Variants in ALK observed in about 807,000 individuals in gnomAD.
ALK encodes ALK tyrosine kinase receptor.
Under a neutral mutation model 163.1 loss-of-function variants are expected in ALK, and 74 were observed. That is an observed-to-expected ratio of 0.45 (90% CI 0.38 to 0.55). ALK has a LOEUF of 0.55. ALK is among the 20% of genes least tolerant of loss of function. The pLI is 0.00. For missense variants in ALK, 2,063 were observed against 2,105.3 expected (o/e 0.98, Z 0.39); for synonymous variants, 960 against 843.2 (o/e 1.14, Z -2.40).
intron 3 of ALK, among the ~76,000 whole-genome samples, chr2:29,668,073 T>A (rs1276346989): frequency 6.6e-6 from 1 of 152,144 alleles, no homozygotes; most frequent in Non-Finnish European, 1.5e-5. Context: ...TTTGCTGGCA[T>A]ATAGTTGTTC....
In ALK at chr2:29,242,241, T is replaced by C. The variant is rs73920747; in HGVS notation, c.2205-2411A>G. Among the ~76,000 whole-genome samples, 557 of 152,246 alleles carry C rather than the reference T, an allele frequency of 3.7e-3. 5 individuals carry two copies. The highest frequency in any genetic ancestry group is 0.012 in the African/African-American group (508 of 41,554). ...CCAGGTTTCTGAGTCCTGGTCAGGC[T>C]GCATAAAAAAGTCATCTCCACCTGA... is the stretch of plus-strand genomic sequence containing the variant. On this transcript the variant is annotated intron_variant, in intron 12 of 28. Transcript: ENST00000389048.
intron 4 of ALK, among the ~76,000 whole-genome samples, chr2:29,449,342 G>C (rs1375114718): frequency 2.0e-5 from 3 of 152,200 alleles, no homozygotes; most frequent in Admixed American, 2.0e-4. Context: ...TCATTGCCTA[G>C]TGGGTGGGTA....
At chr2:29,815,737 C>T (rs1664879217) in intron 1 of ALK, among the ~76,000 whole-genome samples, 1 of 152,192 alleles carries the variant, frequency 6.6e-6, no homozygotes, top group Non-Finnish European at 1.5e-5. Flanking sequence ...GATGCCTCCT[C>T]GTACCTCCTG....
At chr2:29,525,225 T>C (rs1215730395) in intron 4 of ALK, among the ~76,000 whole-genome samples, 1 of 152,212 alleles carries the variant, frequency 6.6e-6, no homozygotes, top group East Asian at 1.9e-4. Context: ...GGAAACCTTG[T>C]CACTAGCCTG....
chr2:29,750,836 C>T (rs551637842), intron 1 of ALK, among the ~76,000 whole-genome samples: 14 of 151,826 alleles, frequency 9.2e-5, no homozygotes, highest in Admixed American at 3.3e-4. Context: ...TTTTGGGAGG[C>T]CAAGGTGGGT....
intron 1 of ALK, among the ~76,000 whole-genome samples, chr2:29,811,041 T>G (rs920859673): frequency 1.3e-5 from 2 of 151,948 alleles, no homozygotes; most frequent in African/African-American, 4.8e-5. Flanking sequence ...AATCATAAAT[T>G]TTGGTTAAGT....
intron 11 of ALK, among the ~76,000 whole-genome samples, chr2:29,260,977 T>G (rs1180509804): frequency 6.6e-6 from 1 of 152,212 alleles, no homozygotes; most frequent in African/African-American, 2.4e-5. Flanking sequence ...AATATTGATT[T>G]TATCCCCAGA....
chr2:29,368,143 G>A (rs1229934229), intron 5 of ALK, among the ~76,000 whole-genome samples: 2 of 152,210 alleles, frequency 1.3e-5, no homozygotes, highest in African/African-American at 4.8e-5. Flanking sequence ...CAAATAGGCT[G>A]TGGCACATGG....
intron 11 of ALK, among the ~76,000 whole-genome samples, chr2:29,274,412 C>A (rs546276955): frequency 6.6e-6 from 1 of 152,354 alleles, no homozygotes; most frequent in South Asian, 2.1e-4. Flanking sequence ...GCCCAGGCAC[C>A]AGTGCCTGCC....
intron 1 of ALK, among the ~76,000 whole-genome samples, chr2:29,744,756 G>A (rs988377206): frequency 2.0e-5 from 3 of 152,100 alleles, no homozygotes; most frequent in Non-Finnish European, 4.4e-5. Context: ...TCATCTGTAA[G>A]AGGCCTTTCC....
intron 2 of ALK, among the ~76,000 whole-genome samples, chr2:29,710,584 C>T (rs1451159608): frequency 5.3e-5 from 8 of 151,926 alleles, no homozygotes; most frequent in Non-Finnish European, 1.2e-4. Flanking sequence ...GTCACACTCT[C>T]GCCTCACTGC....
At chr2:29,840,350 G>A (rs1443679967) in intron 1 of ALK, among the ~76,000 whole-genome samples, 1 of 152,160 alleles carries the variant, frequency 6.6e-6, no homozygotes, top group South Asian at 2.1e-4. Flanking sequence ...CAAGACTCTA[G>A]TTCTTTCCAC....
intron 7 of ALK, 96 bp downstream of exon 7, chr2:29,320,655 G>A: frequency 6.4e-7 from 1 of 1,558,134 alleles, no homozygotes; most frequent in Non-Finnish European, 8.8e-7. Flanking sequence ...ACCCGAGCTT[G>A]CCCTGCAGGT....
chr2:29,688,549 A>C (rs1005033380), intron 3 of ALK, among the ~76,000 whole-genome samples: 3 of 152,242 alleles, frequency 2.0e-5, no homozygotes, highest in African/African-American at 7.2e-5. Flanking sequence ...ATTAACTTAA[A>C]GTAGAAACTT....
chr2:29,820,090 G>A (rs535915744), intron 1 of ALK, among the ~76,000 whole-genome samples: 3 of 152,308 alleles, frequency 2.0e-5, no homozygotes, highest in East Asian at 1.9e-4. Context: ...CTGTGAAAGC[G>A]AGCCAGCCTT....
intron 5 of ALK, among the ~76,000 whole-genome samples, chr2:29,329,386 G>A (rs1667371964): frequency 6.6e-6 from 1 of 152,212 alleles, no homozygotes; most frequent in Admixed American, 6.5e-5. Flanking sequence ...CACAAGGCCT[G>A]GCTGGTGCCT....
chr2:29,213,794 G>A (rs550380258), intron 24 of ALK, among the ~76,000 whole-genome samples, 190 bp downstream of exon 24: 1 of 152,210 alleles, frequency 6.6e-6, no homozygotes, highest in South Asian at 2.1e-4. Context: ...GACCAGCCTG[G>A]GCAACAAAGT....
At chr2:29,649,049 T>C (rs1218045848) in intron 3 of ALK, among the ~76,000 whole-genome samples, 2 of 152,184 alleles carry the variant, frequency 1.3e-5, no homozygotes, top group Non-Finnish European at 2.9e-5. Flanking sequence ...CCATCATTTG[T>C]ATACGATCTA....
At chr2:29,221,114 CA>C (rs1558622104) in intron 22 of ALK, 1 of 589,870 alleles carries the variant, frequency 1.7e-6, no homozygotes, top group East Asian at 3.6e-5. Flanking sequence ...GGAAGTGTCT[CA>C]GGGGGCAGGA....
Sources: gnomAD v4.1 joint callset for allele counts (sites outside exome capture counted in the v4.1 genomes callset) on GRCh38, gnomAD v4.1.1 for gene constraint, MANE v1.5 for transcripts, NCBI Gene and HGNC (gene_info 2026-07-23, HGNC 2026-07-21) for gene names.